Variants in SLCO3A1 observed in about 807,000 individuals in gnomAD.
SLCO3A1 encodes the protein PGE1 transporter.
A neutral mutation model predicts 63.1 loss-of-function variants in SLCO3A1; 27 were observed. That is an observed-to-expected ratio of 0.43 (90% CI 0.32 to 0.59). The LOEUF (loss-of-function observed/expected upper bound fraction) is 0.59, where lower values mean the gene tolerates loss of function less well. SLCO3A1 is among the 20% of genes least tolerant of loss of function. The pLI is 0.09. For synonymous variants in SLCO3A1, 473 were observed against 409.9 expected (o/e 1.15, Z -1.86); for missense variants, 773 against 945.8 (o/e 0.82, Z 2.40).
At chr15:92,153,632 C>G (rs2048335478) in intron 9 of SLCO3A1, 1 of 152,214 alleles carries the variant, frequency 6.6e-6, no homozygotes. Context: ...GTTAGTGTGA[C>G]AAGATTCGAG....
intron 2 of SLCO3A1, among the ~76,000 whole-genome samples, chr15:92,012,118 C>A (rs947126312): frequency 1.3e-5 from 2 of 152,230 alleles, no homozygotes; most frequent in South Asian, 2.1e-4. Flanking sequence ...ATGCAAGCAA[C>A]CCACTGTCAC....
At chr15:92,080,938 C>CTGTG (rs542459686) in intron 2 of SLCO3A1, among the ~76,000 whole-genome samples, 9,699 of 128,678 alleles carry the variant, frequency 0.075, 517 homozygotes, top group Middle Eastern at 0.16. Flanking sequence ...TACATAGTAG[C>CTGTG]TGTGTGTGTG....
At chr15:91,913,995 C>T (rs757650092) in intron 1 of SLCO3A1, among the ~76,000 whole-genome samples, 1 of 152,102 alleles carries the variant, frequency 6.6e-6, no homozygotes, top group Admixed American at 6.6e-5. Flanking sequence ...CCTGGTGTGA[C>T]CCCTACACTA....
chr15:91,986,686 A>G (rs1021842554), intron 2 of SLCO3A1, among the ~76,000 whole-genome samples: 1 of 152,038 alleles, frequency 6.6e-6, no homozygotes, highest in Admixed American at 6.5e-5. Context: ...CCTCCTGGAC[A>G]GGGCAGCCCC....
At chr15:92,040,712 C>T (rs1042536496) in intron 2 of SLCO3A1, among the ~76,000 whole-genome samples, 2 of 152,118 alleles carry the variant, frequency 1.3e-5, no homozygotes, top group Non-Finnish European at 2.9e-5. Context: ...CATATTAGGC[C>T]ATCTAGGGAT....
chr15:92,003,457 C>T (rs182647338), intron 2 of SLCO3A1, among the ~76,000 whole-genome samples: 4 of 152,312 alleles, frequency 2.6e-5, no homozygotes, highest in Admixed American at 6.5e-5. Flanking sequence ...ATGCATTGGC[C>T]TCAGCATCTA....
intron 1 of SLCO3A1, among the ~76,000 whole-genome samples, chr15:91,904,002 A>G (rs2151370778): frequency 6.6e-6 from 1 of 152,198 alleles, no homozygotes; most frequent in East Asian, 1.9e-4. Flanking sequence ...TGATGGAGAA[A>G]GGTCTTCAGG....
At chr15:91,985,038 A>G (rs1044113383) in intron 2 of SLCO3A1, among the ~76,000 whole-genome samples, 1 of 152,156 alleles carries the variant, frequency 6.6e-6, no homozygotes, top group Non-Finnish European at 1.5e-5. Flanking sequence ...TTTTCACAAA[A>G]TTTACACACT....
chr15:91,966,330 G>T (rs1044624382), intron 2 of SLCO3A1, among the ~76,000 whole-genome samples: 1 of 152,202 alleles, frequency 6.6e-6, no homozygotes, highest in East Asian at 1.9e-4. Flanking sequence ...AGACAAAGAG[G>T]TTTGTAGCCA....
chr15:91,941,299 G>T lies in SLCO3A1; in HGVS notation c.646+24841G>T. 1 of 268,156 alleles carries T rather than the reference G, an allele frequency of 3.7e-6. No individual in the cohort carries two copies. The highest frequency in any genetic ancestry group is 7.5e-6 in the Non-Finnish European group (1 of 133,614). The allele number at this position is 268,156 out of a possible 1,614,324, so 16.6% of individuals were successfully genotyped here. ...TTGGGGCAGGGCGGGGCTCGGCTGG[G>T]GGGTGGGAGAGAGACACTGAATCAG... On this transcript the variant is annotated intron_variant, in intron 2 of 9. Transcript: ENST00000318445. The surrounding 1 kb of genome is among the most constrained non-coding windows in gnomAD (Gnocchi z 4.4).
In SLCO3A1 at chr15:91,916,218, G is replaced by A; in HGVS notation, c.406G>A (p.Glu136Lys). The A allele has an allele frequency of 6.3e-7, 1 of 1,578,978 alleles. No homozygotes were observed. The highest frequency in any genetic ancestry group is 8.6e-7 in the Non-Finnish European group (1 of 1,164,552). Residue 136 changes from glutamate (E) to lysine (K), a missense_variant, in exon 2 of 10, where the codon GAG (glutamate) becomes AAG (lysine). This residue lies in a region of SLCO3A1 where 565 missense variants were observed against 749.8 expected (regional missense o/e 0.75). Transcript: ENST00000318445. This position sits in a 1 kb window ranked among gnomAD's most constrained non-coding sequence, Gnocchi z 6.2. Reference sequence around the variant, plus strand: ...GTTCCTGACCCACCAGTACAAGTACGAGGCGGGCGAGATCCGCTGGGGCGC... The same window carrying A: ...GTTCCTGACCCACCAGTACAAGTACAAGGCGGGCGAGATCCGCTGGGGCGC... ...PEFLTHQYKYEAGEIRWGAEG... is the reference protein window; with the variant it reads ...PEFLTHQYKYKAGEIRWGAEG...
intron 1 of SLCO3A1, among the ~76,000 whole-genome samples, chr15:91,907,484 G>T (rs1274241870): frequency 6.6e-6 from 1 of 151,506 alleles, no homozygotes; most frequent in African/African-American, 2.4e-5. Flanking sequence ...AGGATTACAG[G>T]CATGAGCCAC....
chr15:91,960,488 A>G (rs577390724), intron 2 of SLCO3A1, among the ~76,000 whole-genome samples: 205 of 151,930 alleles, frequency 1.3e-3, no homozygotes, highest in Non-Finnish European at 2.7e-3. Flanking sequence ...CTCTTATTGG[A>G]TACATCCAAG....
intron 2 of SLCO3A1, among the ~76,000 whole-genome samples, chr15:92,071,548 G>A (rs566638046): frequency 1.3e-5 from 2 of 152,276 alleles, no homozygotes; most frequent in South Asian, 2.1e-4. Context: ...CACCCATCTC[G>A]GAATAATTGT....
chr15:91,967,791 A>C lies in SLCO3A1; in HGVS notation c.646+51333A>C, dbSNP rs1252821185. On this transcript the variant is annotated intron_variant, in intron 2 of 9. Transcript: ENST00000318445. The surrounding 1 kb of genome is among the most constrained non-coding windows in gnomAD (Gnocchi z 4.4). Reference sequence around the variant, plus strand: ...TACTTTTGGGGAACCACGAGGACGTAGTGGCAGGACTAAAGGTCAAGGTCA... The same window carrying C: ...TACTTTTGGGGAACCACGAGGACGTCGTGGCAGGACTAAAGGTCAAGGTCA... Among the ~76,000 whole-genome samples, 2 of 152,182 alleles carry C rather than the reference A, an allele frequency of 1.3e-5. No individual in the cohort carries two copies. The highest frequency in any genetic ancestry group is 2.4e-5 in the African/African-American group (1 of 41,444).
intron 2 of SLCO3A1, among the ~76,000 whole-genome samples, chr15:91,989,248 C>T (rs2046094962): frequency 6.6e-6 from 1 of 152,214 alleles, no homozygotes. Flanking sequence ...TCTCTATCTT[C>T]CCTGTTCCAT....
chr15:91,913,697 A>G (rs1364425089), intron 1 of SLCO3A1, among the ~76,000 whole-genome samples: 1 of 152,190 alleles, frequency 6.6e-6, no homozygotes. Context: ...TGGACACTGC[A>G]GAGGTTGTAG....
At chr15:91,961,693 C>T (rs1176176841) in intron 2 of SLCO3A1, among the ~76,000 whole-genome samples, 3 of 152,226 alleles carry the variant, frequency 2.0e-5, no homozygotes, top group Non-Finnish European at 1.5e-5. Flanking sequence ...ATACCCTTCC[C>T]CTACTCATCT....
chr15:91,977,006 A>G (rs1360859233), intron 2 of SLCO3A1, among the ~76,000 whole-genome samples: 1 of 152,152 alleles, frequency 6.6e-6, no homozygotes, highest in African/African-American at 2.4e-5. Flanking sequence ...CAGTCTGACC[A>G]AAATTTATTA....
Sources: gnomAD v4.1 joint callset for allele counts (sites outside exome capture counted in the v4.1 genomes callset) on GRCh38, gnomAD v4.1.1 for gene constraint, gnomAD v4.1.1 regional missense constraint, Gnocchi (gnomAD v3.1) non-coding constraint, MANE v1.5 for transcripts, NCBI Gene and HGNC (gene_info 2026-07-23, HGNC 2026-07-21) for gene names.